Variants in RPS9 observed in about 807,000 individuals in gnomAD.
RPS9 encodes small ribosomal subunit protein uS4.
In RPS9, 1 loss-of-function variant was observed where a neutral mutation model predicts 16.9. That is an observed-to-expected ratio of 0.06 (90% CI 0.02 to 0.28). RPS9 has a LOEUF of 0.28. Among genes scored for constraint, RPS9 ranks in the 10% least tolerant of loss-of-function variants. The probability of loss-of-function intolerance (pLI) is 1.00; values close to 1 mark genes in which losing one functional copy is unlikely to be tolerated. For synonymous variants in RPS9, 106 were observed against 110.9 expected (o/e 0.96, Z 0.28); for missense variants, 137 against 273.2 (o/e 0.50, Z 3.51).
intron 3 of RPS9, chr19:54,202,444 A>G (rs146286913): frequency 3.0e-6 from 3 of 985,356 alleles, no homozygotes; most frequent in East Asian, 2.3e-4. Flanking sequence ...GGTGGTATTT[A>G]GCAAAGGCCT....
chr19:54,204,765 A>G (rs1389174507), intron 3 of RPS9, among the ~76,000 whole-genome samples: 1 of 152,208 alleles, frequency 6.6e-6, no homozygotes, highest in African/African-American at 2.4e-5. Flanking sequence ...TGAAGTGTCC[A>G]AAGAGGTAAA....
rs928252202 is a variant in RPS9 at position 54,206,635 on chromosome 19, T to C, written c.407+173T>C. 1.6e-5 allele frequency: 25 copies of C among 1,550,492 alleles called. No homozygotes were observed. In the African/African-American group the frequency reaches 2.5e-4, roughly 15 times the overall value. On this transcript the variant is annotated intron_variant, in intron 4 of 4. Coordinates refer to ENST00000302907, the MANE Select transcript of RPS9 (RefSeq NM_001013.4). ...AGCTCACCAGGGAGCTGGGGCAGCC[T>C]CTTGCCCCAATAGCCCAGCGCAAGG...
chr19:54,201,431 C>T (rs1303006779), intron 2 of RPS9, 56 bp from the exon 3 acceptor site: 15 of 1,611,706 alleles, frequency 9.3e-6, no homozygotes, highest in Non-Finnish European at 1.2e-5. Context: ...AGCTGCCAGT[C>T]TAGTTGTTGT....
Position 54,203,414 on chromosome 19 carries a change from T to G in RPS9, c.220+1805T>G, listed in dbSNP as rs567613350. 3.2e-5 allele frequency: 20 copies of G among 619,290 alleles called. No individual in the cohort carries two copies. The East Asian group carries it at 2.8e-3, about 87-fold the overall frequency. 38.4% of individuals were successfully genotyped at this position (619,290 alleles called of 1,614,324 possible). On this transcript the variant is annotated intron_variant, in intron 3 of 4. Coordinates refer to ENST00000302907, the MANE Select transcript of RPS9 (RefSeq NM_001013.4). The stretch of plus-strand genomic sequence containing the variant: ...CACTAAGATGTGTGACTAGCGAGAT[T>G]CTGAGTCTCGTCTGTTAAGACTGAA...
chr19:54,202,347 G>T, intron 3 of RPS9: 1 of 819,468 alleles, frequency 1.2e-6, no homozygotes, highest in Non-Finnish European at 1.5e-6. Context: ...CACCAAGCCT[G>T]GCTAATTTTC....
chr19:54,201,300 C>G lies in RPS9; in HGVS notation c.97+19C>G. The stretch of plus-strand genomic sequence containing the variant: ...CTGATCGGTGAGTGGCCAAGGCTTC[C>G]GGGAAGTGGTTCGGCTTCCGGGAGG... On this transcript the variant is annotated intron_variant, in intron 2 of 4. Coordinates refer to ENST00000302907, the MANE Select transcript of RPS9 (RefSeq NM_001013.4). The G allele has an allele frequency of 6.2e-7, 1 of 1,613,878 alleles. No homozygotes were observed. Among genetic ancestry groups the G allele is most frequent in the Non-Finnish European group, 8.5e-7 (1 of 1,179,904 alleles).
intron 2 of RPS9, 23 bp downstream of exon 2, chr19:54,201,304 A>G (rs1303357556): frequency 6.2e-7 from 1 of 1,613,584 alleles, no homozygotes; most frequent in Admixed American, 1.7e-5. Context: ...GGCTTCCGGG[A>G]AGTGGTTCGG....
chr19:54,206,126 T>G, intron 3 of RPS9, 150 bp from the exon 4 acceptor site: 1 of 738,554 alleles, frequency 1.4e-6, no homozygotes, highest in Non-Finnish European at 2.2e-6. Context: ...CGTAGGGTGG[T>G]TTTGACAGTG....
At chr19:54,201,349 C>A in intron 2 of RPS9, 68 bp downstream of exon 2, 1 of 1,611,874 alleles carries the variant, frequency 6.2e-7, no homozygotes, top group Non-Finnish European at 8.5e-7. Context: ...GATGAAGGTG[C>A]CCATGTACTC....
At chr19:54,207,158 A>G (rs766896920) in intron 4 of RPS9, 3 of 538,378 alleles carry the variant, frequency 5.6e-6, no homozygotes, top group South Asian at 2.7e-5. Flanking sequence ...TAGGTGGGAT[A>G]CTTTCGGATT....
chr19:54,206,960 C>T, intron 4 of RPS9: 1 of 466,340 alleles, frequency 2.1e-6, no homozygotes, highest in Non-Finnish European at 3.9e-6. Context: ...CTTCACTAAC[C>T]CTGTGAGCCG....
At chr19:54,205,434 A>G (rs1481985206) in intron 3 of RPS9, among the ~76,000 whole-genome samples, 4 of 151,710 alleles carry the variant, frequency 2.6e-5, no homozygotes, top group African/African-American at 9.7e-5. Context: ...AATTTTGTAC[A>G]GAATAGTAAA....
In RPS9 at chr19:54,203,211, C is replaced by T. The variant is rs191726879; in HGVS notation, c.220+1602C>T. ...TCATGTGAGAAAGCGGTGCAGGTGT[C>T]TGAGGGTTATTTGTGGTTTTCCAAG... On this transcript the variant is annotated intron_variant, in intron 3 of 4. Coordinates refer to ENST00000302907, the MANE Select transcript of RPS9 (RefSeq NM_001013.4). 31 of 952,186 alleles carry T rather than the reference C, an allele frequency of 3.3e-5. No individual in the cohort carries two copies. The African/African-American group carries it at 5.3e-4, about 16-fold the overall frequency. The allele number at this position is 952,186 out of a possible 1,614,324, so 59.0% of individuals were successfully genotyped here.
chr19:54,201,152 C>T lies in RPS9; in HGVS notation c.-25-8C>T. 3 of 1,612,694 alleles carry T rather than the reference C, an allele frequency of 1.9e-6. No homozygotes were observed. Among genetic ancestry groups the T allele is most frequent in the Non-Finnish European group, 2.5e-6 (3 of 1,179,892 alleles). On this transcript the variant is annotated splice_region_variant and splice_polypyrimidine_tract_variant and intron_variant, in intron 1 of 4. Transcript: ENST00000302907. ...GATCCCTTACGCTCACACTTCTCTC[C>T]CGCGCAGGCGCAGACGGGGAAGCGG...
intron 3 of RPS9, chr19:54,201,969 A>G (rs545546995): frequency 3.9e-6 from 1 of 256,910 alleles, no homozygotes; most frequent in South Asian, 1.1e-4. Context: ...AGTGATGGTG[A>G]TAACAGGGTT....
At chr19:54,203,263 C>T (rs990672771) in intron 3 of RPS9, 26 of 985,092 alleles carry the variant, frequency 2.6e-5, no homozygotes, top group Non-Finnish European at 3.1e-5. Context: ...CCAAGGGGTA[C>T]ACAGTTGTTC....
intron 3 of RPS9, among the ~76,000 whole-genome samples, chr19:54,205,491 C>T (rs955859310): frequency 4.6e-5 from 7 of 151,822 alleles, no homozygotes; most frequent in Non-Finnish European, 7.4e-5. Context: ...TTAGAAATTA[C>T]TTTTCTCTCC....
intron 3 of RPS9, 65 bp from the exon 4 acceptor site, chr19:54,206,211 A>G (rs2077235640): frequency 2.0e-6 from 3 of 1,533,022 alleles, no homozygotes; most frequent in South Asian, 2.4e-5. Context: ...AGGCGGAGCC[A>G]GGATTTGAAC....
At chr19:54,207,030 A>G (rs2077265955) in intron 4 of RPS9, 1 of 437,426 alleles carries the variant, frequency 2.3e-6, no homozygotes, top group Non-Finnish European at 4.1e-6. Flanking sequence ...TTGCTGTGTT[A>G]TTGTGGGCAT....
Sources: allele counts gnomAD v4.1 joint callset (sites outside exome capture counted in the v4.1 genomes callset), GRCh38; gene constraint gnomAD v4.1.1; transcripts MANE v1.5; gene names NCBI Gene and HGNC (gene_info 2026-07-23, HGNC 2026-07-21).